WWOX: variants seen among roughly 807,000 people sequenced by gnomAD.
WWOX encodes the protein WW domain-containing oxidoreductase.
Under a neutral mutation model 46.2 loss-of-function variants are expected in WWOX, and 69 were observed. The ratio of observed to expected loss-of-function variants is 1.49; its 90% CI spans 1.23 to 1.82. The LOEUF is 1.82. Among genes scored for constraint, WWOX ranks in the 40% most tolerant of loss-of-function variants. The pLI is 0.00. For synonymous variants in WWOX, 359 were observed against 202.6 expected, an observed-to-expected ratio of 1.77 and a Z score of -6.56; for missense variants, 919 against 542.6, an observed-to-expected ratio of 1.69 and a Z score of -6.89.
chr16:79,089,818 C>T (rs1439043414), intron 8 of WWOX, among the ~76,000 whole-genome samples: 2 of 152,056 alleles, frequency 1.3e-5, no homozygotes, highest in African/African-American at 4.8e-5. Flanking sequence ...GGAACCTTTT[C>T]ATTCCTCGGA....
At chr16:79,142,459 A>G (rs2050108386) in intron 8 of WWOX, among the ~76,000 whole-genome samples, 1 of 152,176 alleles carries the variant, frequency 6.6e-6, no homozygotes, top group South Asian at 2.1e-4. Context: ...GGCACATGCT[A>G]CACATCAGGG....
Position 78,432,792 on chromosome 16 carries a change from C to T in WWOX, c.1056+40C>T, listed in dbSNP as rs540477472. 34 of 1,613,698 alleles carry T rather than the reference C, an allele frequency of 2.1e-5. No individual in the cohort carries two copies. In the African/African-American group the frequency reaches 3.3e-4, roughly 16 times the overall value. ...TCTGGCGCCGCAAACACCTTGGGTC[C>T]TAGAGAAACCTGCACACTTGTGTCT... On this transcript the variant is annotated intron_variant, in intron 8 of 8. Coordinates refer to ENST00000566780, the MANE Select transcript of WWOX (RefSeq NM_016373.4).
At chr16:79,145,559 T>C (rs948685806) in intron 8 of WWOX, among the ~76,000 whole-genome samples, 1 of 152,142 alleles carries the variant, frequency 6.6e-6, no homozygotes, top group Non-Finnish European at 1.5e-5. Context: ...AATCAGAAAC[T>C]AGACAAGAAT....
intron 8 of WWOX, among the ~76,000 whole-genome samples, chr16:78,598,993 C>T (rs531407373): frequency 1.9e-3 from 285 of 152,268 alleles, no homozygotes; most frequent in African/African-American, 6.3e-3. Flanking sequence ...GTGGCAGGGT[C>T]GGCATTGAGG....
chr16:78,402,164 A>C (rs2082427844), intron 6 of WWOX, among the ~76,000 whole-genome samples: 1 of 152,234 alleles, frequency 6.6e-6, no homozygotes, highest in Admixed American at 6.5e-5. Context: ...TCCCAAGGCA[A>C]TCAGCAGTCT....
chr16:79,120,642 T>G (rs1030185534), intron 8 of WWOX, among the ~76,000 whole-genome samples: 4 of 152,228 alleles, frequency 2.6e-5, no homozygotes, highest in African/African-American at 9.6e-5. Flanking sequence ...GACTTTGTTC[T>G]TCGCCCTTCC....
At chr16:78,145,468 G>GTC (rs2034165830) in intron 4 of WWOX, among the ~76,000 whole-genome samples, 1 of 152,128 alleles carries the variant, frequency 6.6e-6, no homozygotes, top group African/African-American at 2.4e-5. Context: ...ATCCAGCATG[G>GTC]GAGAAAGATA....
intron 8 of WWOX, among the ~76,000 whole-genome samples, chr16:78,723,805 CT>C (rs2048758321): frequency 6.6e-6 from 1 of 151,998 alleles, no homozygotes; most frequent in African/African-American, 2.4e-5. Flanking sequence ...TCTCGTATCA[CT>C]CAGACTAAGC....
intron 8 of WWOX, among the ~76,000 whole-genome samples, chr16:78,688,081 A>C (rs570660391): frequency 6.8e-6 from 1 of 147,558 alleles, no homozygotes; most frequent in Non-Finnish European, 1.5e-5. Context: ...CCACAATTCA[A>C]ATTCACAGAC....
chr16:78,116,522 C>G (rs759723677), intron 4 of WWOX, among the ~76,000 whole-genome samples: 10 of 152,126 alleles, frequency 6.6e-5, no homozygotes, highest in Non-Finnish European at 1.3e-4. Flanking sequence ...CAAATCAACT[C>G]TCATACCTCA....
intron 8 of WWOX, among the ~76,000 whole-genome samples, chr16:78,876,923 A>G (rs986538933): frequency 1.3e-5 from 2 of 152,166 alleles, no homozygotes; most frequent in African/African-American, 2.4e-5. Context: ...TTGTAACTCT[A>G]CTTAAAATTA....
At chr16:78,582,683 T>C (rs1469321166) in intron 8 of WWOX, among the ~76,000 whole-genome samples, 1 of 152,186 alleles carries the variant, frequency 6.6e-6, no homozygotes, top group African/African-American at 2.4e-5. Context: ...GGTGGGTGAC[T>C]GATGACCCCT....
intron 5 of WWOX, among the ~76,000 whole-genome samples, chr16:78,323,512 G>C (rs1264278877): frequency 1.3e-5 from 2 of 152,074 alleles, no homozygotes; most frequent in Non-Finnish European, 2.9e-5. Context: ...CCTCCTCTTT[G>C]AGCTCTATTT....
In WWOX at chr16:78,474,802, T is replaced by C. The variant is rs116312268; in HGVS notation, c.1056+42050T>C. Among the ~76,000 whole-genome samples, 979 of 152,328 alleles carry C rather than the reference T, an allele frequency of 6.4e-3. 15 individuals are homozygous for C. The highest frequency in any genetic ancestry group is 0.022 in the African/African-American group (934 of 41,558). ...TTCATCTCCATGCGTTTGTATATTC[T>C]GGACATTTCTCATTAATGGGCTCAC... On this transcript the variant is annotated intron_variant, in intron 8 of 8. Transcript: ENST00000566780.
chr16:79,150,025 A>G lies in WWOX; in HGVS notation c.1057-61583A>G, dbSNP rs558597438. 2.0e-5 allele frequency among the ~76,000 whole-genome samples: 3 copies of G among 152,358 alleles called. No homozygotes were observed. The East Asian group carries it at 5.8e-4, about 29-fold the overall frequency. The stretch of plus-strand genomic sequence containing the variant: ...TTTTTTATGGGAACCTAAGAAGGAA[A>G]TGCTTTTCTGGTCAAATACGTTCTT... On this transcript the variant is annotated intron_variant, in intron 8 of 8. Transcript: ENST00000566780.
intron 8 of WWOX, among the ~76,000 whole-genome samples, chr16:78,573,557 G>T (rs532380689): frequency 1.9e-4 from 29 of 152,222 alleles, no homozygotes; most frequent in African/African-American, 6.5e-4. Flanking sequence ...TGGCTCCCTG[G>T]GCCCTCTGGG....
intron 6 of WWOX, among the ~76,000 whole-genome samples, chr16:78,418,165 C>T (rs1020018337): frequency 5.3e-5 from 8 of 152,148 alleles, no homozygotes; most frequent in African/African-American, 1.7e-4. Flanking sequence ...TCAAGACCAT[C>T]CTGGCTAACA....
At chr16:78,530,223 C>T (rs28459582) in intron 8 of WWOX, among the ~76,000 whole-genome samples, 6,713 of 152,204 alleles carry the variant, frequency 0.044, 322 homozygotes, top group African/African-American at 0.12. Context: ...AGTCAGTGCT[C>T]TTTTAGTTTT....
At chr16:78,241,735 C>T (rs894211313) in intron 5 of WWOX, among the ~76,000 whole-genome samples, 17 of 152,156 alleles carry the variant, frequency 1.1e-4, no homozygotes, top group Non-Finnish European at 1.6e-4. Flanking sequence ...CCACCACGCC[C>T]CTCACGCGCA....
Sources: allele counts gnomAD v4.1 joint callset (sites outside exome capture counted in the v4.1 genomes callset), GRCh38; gene constraint gnomAD v4.1.1; transcripts MANE v1.5; gene names NCBI Gene and HGNC (gene_info 2026-07-23, HGNC 2026-07-21).